Variants in CSNK1A1 observed in about 807,000 individuals in gnomAD.
The protein encoded by CSNK1A1 is casein kinase I isoform alpha.
CSNK1A1 carries 7 observed loss-of-function variants against 46.1 expected under a neutral mutation model. That is an observed-to-expected ratio of 0.15 (90% CI 0.09 to 0.29). The LOEUF is 0.29. Ranked by LOEUF, CSNK1A1 falls within the 10% of genes least tolerant of loss-of-function variation. The probability of loss-of-function intolerance (pLI) is 1.00; values close to 1 mark genes in which losing one functional copy is unlikely to be tolerated. For missense variants in CSNK1A1, 96 were observed against 417.1 expected (o/e 0.23, Z 6.71); for synonymous variants, 137 against 141.5 (o/e 0.97, Z 0.23).
intron 2 of CSNK1A1, among the ~76,000 whole-genome samples, chr5:149,526,324 G>A (rs896174623): frequency 2.0e-5 from 3 of 151,994 alleles, no homozygotes; most frequent in Non-Finnish European, 4.4e-5. Flanking sequence ...GTTTTTGGTA[G>A]AGACATGGTC....
At chr5:149,502,474 G>T in intron 9 of CSNK1A1, 1 of 273,236 alleles carries the variant, frequency 3.7e-6, no homozygotes, top group Non-Finnish European at 5.2e-6. Flanking sequence ...TCCCAACACA[G>T]CTGGGATCAC....
chr5:149,550,574 G>C lies in CSNK1A1; in HGVS notation c.123+268C>G, dbSNP rs1355687128. On this transcript the variant is annotated intron_variant, in intron 1 of 9. Coordinates refer to ENST00000377843, the MANE Select transcript of CSNK1A1 (RefSeq NM_001892.6). The surrounding 1 kb of genome is among the most constrained non-coding windows in gnomAD (Gnocchi z 4.3). ...TTTTGCCGTTTCCACCTTAAAAGAC[G>C]GTTAAAAAAAAAAAAAGCTCGACTA... is the stretch of plus-strand genomic sequence containing the variant. 6.6e-6 allele frequency among the ~76,000 whole-genome samples: 1 copy of C among 150,792 alleles called. No individual in the cohort carries two copies. Among genetic ancestry groups the C allele is most frequent in the Non-Finnish European group, 1.5e-5 (1 of 67,776 alleles).
At chr5:149,501,290 A>C in intron 9 of CSNK1A1, 1 of 985,462 alleles carries the variant, frequency 1.0e-6, no homozygotes, top group South Asian at 4.7e-5. Flanking sequence ...CAAAAATTCA[A>C]GATTTCAGCA....
chr5:149,495,316 T>C lies in CSNK1A1; in HGVS notation c.*1537A>G, dbSNP rs1760621291. 6.6e-6 allele frequency: 1 copy of C among 152,220 alleles called. No homozygotes were observed. 9.4% of individuals were successfully genotyped at this position (152,220 alleles called of 1,614,324 possible). ...GGTTATTTTACAAAATACCTACATT[T>C]ACACAATAGGCTCCCGGCAGCATTT... is the stretch of plus-strand genomic sequence containing the variant. On this transcript the variant is annotated 3_prime_UTR_variant, in exon 10 of 10. Transcript: ENST00000377843.
intron 9 of CSNK1A1, chr5:149,502,854 C>T (rs534984476): frequency 4.1e-6 from 3 of 726,846 alleles, no homozygotes; most frequent in African/African-American, 3.9e-5. Flanking sequence ...CTGCAACCTC[C>T]ACCTCCCAGG....
At chr5:149,522,549 G>C (rs1761604740) in intron 3 of CSNK1A1, among the ~76,000 whole-genome samples, 1 of 151,918 alleles carries the variant, frequency 6.6e-6, no homozygotes, top group Non-Finnish European at 1.5e-5. Context: ...TTTTTTATTT[G>C]TCCCCATTTT....
chr5:149,518,427 C>T (rs1761460982), intron 4 of CSNK1A1, among the ~76,000 whole-genome samples: 1 of 151,926 alleles, frequency 6.6e-6, no homozygotes, highest in South Asian at 2.1e-4. Context: ...CCTCAAAAGC[C>T]CCCCAAAACC....
chr5:149,542,622 A>ACATGTATGTG (rs1762294077), intron 2 of CSNK1A1, among the ~76,000 whole-genome samples: 1 of 13,790 alleles, frequency 7.3e-5, no homozygotes, highest in African/African-American at 4.6e-4. Context: ...ATATATATAT[A>ACATGTATGTG]TATATATATA....
intron 9 of CSNK1A1, chr5:149,502,623 C>T: frequency 1.1e-6 from 1 of 948,722 alleles, no homozygotes; most frequent in Non-Finnish European, 1.3e-6. Flanking sequence ...ATTCTCCCAC[C>T]TCAGCCTCCC....
intron 9 of CSNK1A1, chr5:149,497,573 A>T: frequency 3.0e-6 from 3 of 985,436 alleles, no homozygotes; most frequent in Non-Finnish European, 3.6e-6. Flanking sequence ...GAATACAAGA[A>T]GCCTCAGGTC....
chr5:149,519,155 C>CA (rs1332842409), intron 4 of CSNK1A1, among the ~76,000 whole-genome samples: 2 of 151,974 alleles, frequency 1.3e-5, no homozygotes, highest in African/African-American at 2.4e-5. Context: ...TAAAGCTCAA[C>CA]AAAAAAATTT....
chr5:149,509,083 C>T (rs1486893470), intron 7 of CSNK1A1, among the ~76,000 whole-genome samples: 1 of 151,790 alleles, frequency 6.6e-6, no homozygotes. Context: ...CGTCACCATG[C>T]CAGGCTAATT....
At position 149,496,837 on chromosome 5, in the gene CSNK1A1, G is replaced by C; in HGVS notation, c.*16C>G. On this transcript the variant is annotated 3_prime_UTR_variant, in exon 10 of 10. Transcript: ENST00000377843. ...TCCGATCATCTGCTCTGCTTCTTCTGTTCCTCAATTCATGCTTAGAAACCT... is the reference window on the plus strand; with the variant it reads ...TCCGATCATCTGCTCTGCTTCTTCTCTTCCTCAATTCATGCTTAGAAACCT... 2 of 1,558,642 alleles carry C rather than the reference G, an allele frequency of 1.3e-6. No homozygotes were observed. Among genetic ancestry groups the C allele is most frequent in the Non-Finnish European group, 1.7e-6 (2 of 1,152,602 alleles).
rs1359752198 is a variant in CSNK1A1 at position 149,496,762 on chromosome 5, A to G, written c.*91T>C. On this transcript the variant is annotated 3_prime_UTR_variant, in exon 10 of 10. Transcript: ENST00000377843. ...AAATGGTTGTCCACAACCACTGGCTAGTGTACATATGAACTAAAATTTCTA... is the reference window on the plus strand; with the variant it reads ...AAATGGTTGTCCACAACCACTGGCTGGTGTACATATGAACTAAAATTTCTA... 1.7e-5 allele frequency: 25 copies of G among 1,497,926 alleles called. No individual in the cohort carries two copies. The highest frequency in any genetic ancestry group is 2.2e-5 in the Non-Finnish European group (25 of 1,119,850). The allele number at this position is 1,497,926 out of a possible 1,614,324, so 92.8% of individuals were successfully genotyped here. A position where few individuals can be genotyped will look rare whatever the true frequency, so the allele number is the denominator to read the frequency against.
At position 149,500,677 on chromosome 5, in the gene CSNK1A1, T is replaced by C. The variant is rs566617531; in HGVS notation, c.1007-3817A>G. Among the ~76,000 whole-genome samples the C allele has an allele frequency of 2.6e-5, 4 of 151,974 alleles. No homozygotes were observed. In the South Asian group the frequency reaches 8.4e-4, roughly 32 times the overall value. On this transcript the variant is annotated intron_variant, in intron 9 of 9. Coordinates refer to ENST00000377843, the MANE Select transcript of CSNK1A1 (RefSeq NM_001892.6). ...ATCCTGAGATCAAGTGATCTTCCCATCTAGCCTCAAAAATGCTGGGATTAT... is the reference window on the plus strand; with the variant it reads ...ATCCTGAGATCAAGTGATCTTCCCACCTAGCCTCAAAAATGCTGGGATTAT...
intron 2 of CSNK1A1, among the ~76,000 whole-genome samples, chr5:149,526,437 G>A (rs1214240596): frequency 6.6e-6 from 1 of 152,138 alleles, no homozygotes; most frequent in Non-Finnish European, 1.5e-5. Context: ...AAAGCACTGG[G>A]ATTACAAGTT....
At position 149,520,253 on chromosome 5, in the gene CSNK1A1, A is replaced by C. The variant is rs965116104; in HGVS notation, c.456+37T>G. The C allele has an allele frequency of 3.9e-6, 5 of 1,292,184 alleles. No homozygotes were observed. The African/African-American group carries it at 7.4e-5, about 19-fold the overall frequency. 80.0% of individuals were successfully genotyped at this position (1,292,184 alleles called of 1,614,324 possible). The stretch of plus-strand genomic sequence containing the variant: ...CCAAAGCAATTCTTGTCGAAACTTT[A>C]CTCTTTGTTCTTTCATGCAAAGAGC... On this transcript the variant is annotated intron_variant, in intron 4 of 9. Coordinates refer to ENST00000377843, the MANE Select transcript of CSNK1A1 (RefSeq NM_001892.6).
chr5:149,522,389 G>A (rs1761600727), intron 3 of CSNK1A1, among the ~76,000 whole-genome samples: 1 of 152,202 alleles, frequency 6.6e-6, no homozygotes, highest in African/African-American at 2.4e-5. Context: ...GGGATTGCTG[G>A]CATGAGCCAT....
At chr5:149,514,407 C>G (rs565560653) in intron 4 of CSNK1A1, among the ~76,000 whole-genome samples, 2 of 152,242 alleles carry the variant, frequency 1.3e-5, no homozygotes, top group South Asian at 4.1e-4. Context: ...ATAATCTTTA[C>G]TTAAAATTTT....
Sources: gnomAD v4.1 joint callset for allele counts (sites outside exome capture counted in the v4.1 genomes callset) on GRCh38, gnomAD v4.1.1 for gene constraint, Gnocchi (gnomAD v3.1) non-coding constraint, MANE v1.5 for transcripts, NCBI Gene and HGNC (gene_info 2026-07-23, HGNC 2026-07-21) for gene names.